The following DLGAP1 variants were observed in gnomAD, a reference collection of about 807,000 sequenced individuals.
DLGAP1 encodes the protein DLG associated protein 1.
Under a neutral mutation model 90.8 loss-of-function variants are expected in DLGAP1, and 11 were observed. The ratio of observed to expected loss-of-function variants is 0.12; its 90% confidence interval spans 0.08 to 0.20. DLGAP1 has a LOEUF of 0.20. DLGAP1 is among the 10% of genes least tolerant of loss of function. DLGAP1 has a pLI of 1.00. For synonymous variants in DLGAP1, 558 were observed against 540.7 expected, an observed-to-expected ratio of 1.03 and a Z score of -0.44; for missense variants, 1,050 against 1,333.8, an observed-to-expected ratio of 0.79 and a Z score of 3.31.
chr18:4,289,937 A>G (rs1436132020), intron 1 of DLGAP1, among the ~76,000 whole-genome samples: 2 of 152,102 alleles, frequency 1.3e-5, no homozygotes, highest in Admixed American at 1.3e-4. Flanking sequence ...TCTCCTTTCA[A>G]TTTTTATCTT....
At chr18:4,258,267 T>A (rs1253990587) in intron 1 of DLGAP1, among the ~76,000 whole-genome samples, 1 of 152,022 alleles carries the variant, frequency 6.6e-6, no homozygotes, top group African/African-American at 2.4e-5. Flanking sequence ...TGGTCTCGAA[T>A]TCCTAGGATC....
At chr18:4,413,612 C>A (rs2082829896) in intron 1 of DLGAP1, among the ~76,000 whole-genome samples, 1 of 152,158 alleles carries the variant, frequency 6.6e-6, no homozygotes, top group East Asian at 1.9e-4. Flanking sequence ...TAATCTTAGT[C>A]AGAAACCAAA....
intron 3 of DLGAP1, among the ~76,000 whole-genome samples, chr18:3,887,867 G>GT (rs1177324188): frequency 1.3e-5 from 2 of 152,032 alleles, no homozygotes; most frequent in African/African-American, 4.8e-5. Context: ...CCAGCACTTT[G>GT]GGAGGCCGAG....
rs1190588787 is a variant in DLGAP1, at chr18:3,690,099, T to G, written c.1591+39036A>C. Among the ~76,000 whole-genome samples, 921 of 104,102 alleles carry G rather than the reference T, an allele frequency of 8.8e-3. 15 individuals are homozygous for G. Among genetic ancestry groups the G allele is most frequent in the African/African-American group, 0.033 (881 of 27,046 alleles). The allele number at this position is 104,102 out of a possible 152,430, so 68.3% of individuals were successfully genotyped here. On this transcript the variant is annotated intron_variant, in intron 7 of 12. Transcript: ENST00000315677. ...TACCCTGCGGGCTGGGTGAGGTTTT[T>G]TTTTTTTTTTTTTTTTTTTGACAGT...
chr18:4,044,755 AAAAC>A (rs937627418), intron 2 of DLGAP1, among the ~76,000 whole-genome samples: 24 of 152,266 alleles, frequency 1.6e-4, no homozygotes, highest in African/African-American at 3.9e-4. Context: ...AACAAAACAA[AAAAC>A]AAACAAACAA....
intron 6 of DLGAP1, among the ~76,000 whole-genome samples, chr18:3,739,100 G>T (rs2062785684): frequency 7.7e-6 from 1 of 129,126 alleles, no homozygotes; most frequent in Admixed American, 8.2e-5. Flanking sequence ...CAGTTAGAAT[G>T]GCAATCATTA....
intron 3 of DLGAP1, among the ~76,000 whole-genome samples, chr18:3,917,266 A>G (rs936924989): frequency 2.6e-5 from 4 of 152,190 alleles, no homozygotes; most frequent in African/African-American, 9.6e-5. Flanking sequence ...TCTTTACTAA[A>G]TTTCCCAGAA....
chr18:4,399,434 TC>T (rs1459626527), intron 1 of DLGAP1, among the ~76,000 whole-genome samples: 1 of 152,212 alleles, frequency 6.6e-6, no homozygotes, highest in African/African-American at 2.4e-5. Flanking sequence ...ATTATTAGAA[TC>T]CCATCTTACA....
chr18:3,629,468 G>A (rs1334931498), intron 7 of DLGAP1, among the ~76,000 whole-genome samples: 6 of 151,936 alleles, frequency 3.9e-5, no homozygotes, highest in Admixed American at 3.9e-4. Flanking sequence ...TCAGGAGATC[G>A]AGACCATCCT....
intron 7 of DLGAP1, among the ~76,000 whole-genome samples, chr18:3,588,749 C>T (rs1347759456): frequency 1.4e-5 from 2 of 142,302 alleles, no homozygotes; most frequent in African/African-American, 5.2e-5. Context: ...CACTGCACTC[C>T]AGCCTGAGCG....
chr18:4,277,181 T>C lies in DLGAP1; in HGVS notation c.-266-125894A>G, dbSNP rs377239174. 2.0e-5 allele frequency among the ~76,000 whole-genome samples: 3 copies of C among 152,212 alleles called. No homozygotes were observed. The South Asian group carries it at 6.2e-4, about 31-fold the overall frequency. On this transcript the variant is annotated intron_variant, in intron 1 of 12. Coordinates refer to ENST00000315677, the MANE Select transcript of DLGAP1 (RefSeq NM_004746.4). ...TATAGACGACTGTGAGAAATAGGCG[T>C]GTTCCAACTGAGGACTGTGTGCAAA...
chr18:3,511,298 G>A (rs2050528563), intron 10 of DLGAP1, among the ~76,000 whole-genome samples: 1 of 151,626 alleles, frequency 6.6e-6, no homozygotes, highest in Admixed American at 6.6e-5. Context: ...GTTTTGTTTT[G>A]TTTTGTTTTA....
At chr18:3,988,451 G>C (rs1599275774) in intron 3 of DLGAP1, among the ~76,000 whole-genome samples, 1 of 152,126 alleles carries the variant, frequency 6.6e-6, no homozygotes, top group Admixed American at 6.5e-5. Context: ...ATCTGTATTT[G>C]CAGCCACTCC....
At chr18:4,319,181 A>G (rs1367369014) in intron 1 of DLGAP1, among the ~76,000 whole-genome samples, 4 of 152,202 alleles carry the variant, frequency 2.6e-5, no homozygotes, top group Non-Finnish European at 5.9e-5. Context: ...TGGCTTTTTT[A>G]AAACAAAATT....
chr18:3,820,015 C>A (rs567585424), intron 4 of DLGAP1, among the ~76,000 whole-genome samples: 1 of 152,198 alleles, frequency 6.6e-6, no homozygotes, highest in East Asian at 1.9e-4. Context: ...AGCTTGAGTG[C>A]CCCACTTTGG....
intron 10 of DLGAP1, among the ~76,000 whole-genome samples, chr18:3,509,415 T>C (rs2050414072): frequency 6.6e-6 from 1 of 152,196 alleles, no homozygotes; most frequent in Non-Finnish European, 1.5e-5. Flanking sequence ...TAAGGCACCT[T>C]TCAGCTGCCT....
At chr18:4,164,099 G>T (rs931045728) in intron 1 of DLGAP1, among the ~76,000 whole-genome samples, 1 of 152,052 alleles carries the variant, frequency 6.6e-6, no homozygotes, top group Admixed American at 6.6e-5. Context: ...AAACTAAACT[G>T]CCATTGGAAC....
chr18:3,519,427 TCTAA>T (rs1310257957), intron 10 of DLGAP1, among the ~76,000 whole-genome samples: 9 of 152,202 alleles, frequency 5.9e-5, no homozygotes, highest in African/African-American at 1.4e-4. Context: ...TACCTCCCTC[TCTAA>T]CTCTAATTTC....
chr18:3,642,865 C>G (rs1276306281), intron 7 of DLGAP1, among the ~76,000 whole-genome samples: 2 of 152,106 alleles, frequency 1.3e-5, no homozygotes, highest in Non-Finnish European at 2.9e-5. Flanking sequence ...AAGGTACAGC[C>G]CCTTGGGAGG....
Sources: gnomAD v4.1 joint callset for allele counts (sites outside exome capture counted in the v4.1 genomes callset) on GRCh38, gnomAD v4.1.1 for gene constraint, MANE v1.5 for transcripts, NCBI Gene and HGNC (gene_info 2026-07-23, HGNC 2026-07-21) for gene names.